Variants in PSD3 observed in about 807,000 individuals in gnomAD.
PSD3 encodes the protein pleckstrin and Sec7 domain containing 3.
A neutral mutation model predicts 105.5 loss-of-function variants in PSD3; 49 were observed. The observed-to-expected ratio is 0.46, with a 90% CI of 0.37 to 0.59. The LOEUF (loss-of-function observed/expected upper bound fraction) is 0.59, where lower values mean the gene tolerates loss of function less well. Ranked by LOEUF, PSD3 falls within the 20% of genes least tolerant of loss-of-function variation. The probability of loss-of-function intolerance (pLI) is 0.00; values close to 1 mark genes in which losing one functional copy is unlikely to be tolerated. For synonymous variants in PSD3, 557 were observed against 457.8 expected (o/e 1.22, Z -2.77); for missense variants, 1,561 against 1,263.8 (o/e 1.24, Z -3.57).
chr8:18,738,856 GA>G (rs1311656640), intron 9 of PSD3, among the ~76,000 whole-genome samples: 18 of 150,850 alleles, frequency 1.2e-4, no homozygotes, highest in Admixed American at 4.0e-4. Flanking sequence ...AAAACACCAA[GA>G]AATCCCTTCA....
chr8:18,968,859 G>C (rs1432353815), intron 1 of PSD3, among the ~76,000 whole-genome samples: 3 of 81,560 alleles, frequency 3.7e-5, no homozygotes, highest in African/African-American at 9.3e-5. Flanking sequence ...CTGCGTGACA[G>C]AGCAAAAAAA....
chr8:18,599,265 T>TG lies in PSD3; in HGVS notation c.2481+1098dup, dbSNP rs201999027. Among the ~76,000 whole-genome samples the TG allele has an allele frequency of 8.0e-3, 1,211 of 152,162 alleles. 20 individuals carry two copies. Among genetic ancestry groups the TG allele is most frequent in the African/African-American group, 0.027 (1,134 of 41,512 alleles). On this transcript the variant is annotated intron_variant, in intron 12 of 15. Coordinates refer to ENST00000327040, the MANE Select transcript of PSD3 (RefSeq NM_015310.4). ...AGCTCAGACAAATTCAACACATATA[T>TG]GGGGGGAAGCTGGAACCCTTATGTA...
At chr8:18,546,339 C>G (rs1259340378) in intron 15 of PSD3, among the ~76,000 whole-genome samples, 1 of 152,088 alleles carries the variant, frequency 6.6e-6, no homozygotes, top group African/African-American at 2.4e-5. Context: ...TTTAAGTGAT[C>G]CTTTAAATGG....
chr8:18,617,456 G>A (rs1192817187), intron 11 of PSD3, among the ~76,000 whole-genome samples: 1 of 152,148 alleles, frequency 6.6e-6, no homozygotes, highest in Non-Finnish European at 1.5e-5. Context: ...GCTTGAACTT[G>A]GGAGGCGCAG....
chr8:18,947,661 G>A (rs1219863933), intron 1 of PSD3, among the ~76,000 whole-genome samples: 1 of 152,126 alleles, frequency 6.6e-6, no homozygotes, highest in Non-Finnish European at 1.5e-5. Flanking sequence ...CCTTTAACAG[G>A]TTCAAATGAA....
At chr8:18,779,951 G>A (rs767594346) in intron 8 of PSD3, among the ~76,000 whole-genome samples, 1 of 152,166 alleles carries the variant, frequency 6.6e-6, no homozygotes, top group African/African-American at 2.4e-5. Flanking sequence ...GATCTAAAAC[G>A]AAGTTTAAAT....
chr8:19,020,910 G>T (rs549285356), intron 1 of PSD3, among the ~76,000 whole-genome samples: 1 of 152,272 alleles, frequency 6.6e-6, no homozygotes, highest in East Asian at 1.9e-4. Context: ...TGTAATTTTT[G>T]GACATGTTAA....
chr8:18,590,270 G>A (rs1803499214), intron 12 of PSD3, among the ~76,000 whole-genome samples: 1 of 152,086 alleles, frequency 6.6e-6, no homozygotes, highest in Non-Finnish European at 1.5e-5. Context: ...CATCTCAGTG[G>A]TGCAAGCGTG....
intron 1 of PSD3, among the ~76,000 whole-genome samples, chr8:18,990,734 G>C (rs527641101): frequency 6.6e-6 from 1 of 152,128 alleles, no homozygotes; most frequent in African/African-American, 2.4e-5. Flanking sequence ...AATCAGAAAA[G>C]GTTGCCTGTG....
chr8:18,922,836 G>C (rs1821118550), intron 2 of PSD3, among the ~76,000 whole-genome samples: 1 of 152,168 alleles, frequency 6.6e-6, no homozygotes, highest in South Asian at 2.1e-4. Flanking sequence ...AAAGGATACA[G>C]ATAAAGGGAT....
At chr8:18,811,290 A>G (rs1811659711) in intron 4 of PSD3, among the ~76,000 whole-genome samples, 1 of 152,158 alleles carries the variant, frequency 6.6e-6, no homozygotes, top group Admixed American at 6.5e-5. Context: ...CTACTTTTAT[A>G]AGCTTTACTA....
intron 1 of PSD3, among the ~76,000 whole-genome samples, chr8:18,995,699 G>A (rs951433832): frequency 6.6e-6 from 1 of 152,036 alleles, no homozygotes; most frequent in Non-Finnish European, 1.5e-5. Flanking sequence ...CACAACCATG[G>A]AGGAAAGCAA....
intron 9 of PSD3, among the ~76,000 whole-genome samples, chr8:18,694,737 A>G (rs1801166981): frequency 6.6e-6 from 1 of 151,972 alleles, no homozygotes; most frequent in Non-Finnish European, 1.5e-5. Context: ...GCACTTTGGG[A>G]GGCCAAGACA....
At chr8:18,943,923 G>C (rs1822707331) in intron 1 of PSD3, among the ~76,000 whole-genome samples, 2 of 151,924 alleles carry the variant, frequency 1.3e-5, no homozygotes, top group African/African-American at 4.8e-5. Flanking sequence ...TTTTCACTGA[G>C]GAATGCAGCT....
intron 9 of PSD3, among the ~76,000 whole-genome samples, chr8:18,749,111 G>A (rs912081575): frequency 9.2e-5 from 14 of 152,152 alleles, no homozygotes; most frequent in African/African-American, 3.4e-4. Flanking sequence ...TCTTCTTGAC[G>A]TTCCTCTTAT....
chr8:18,552,777 GAAGT>G (rs1454783782), intron 15 of PSD3, among the ~76,000 whole-genome samples: 1 of 152,170 alleles, frequency 6.6e-6, no homozygotes, highest in Non-Finnish European at 1.5e-5. Flanking sequence ...GCCTCTTTTA[GAAGT>G]AAGATTAGAT....
At chr8:19,006,472 CACA>C (rs924134155) in intron 1 of PSD3, among the ~76,000 whole-genome samples, 5 of 151,886 alleles carry the variant, frequency 3.3e-5, no homozygotes, top group Non-Finnish European at 7.4e-5. Context: ...GTGGTTCCAC[CACA>C]AATTACAAAA....
intron 10 of PSD3, among the ~76,000 whole-genome samples, chr8:18,634,057 T>A (rs550028033): frequency 1.3e-5 from 2 of 152,254 alleles, no homozygotes; most frequent in South Asian, 2.1e-4. Context: ...GCCATTTGTA[T>A]ATCTTCTTTT....
intron 1 of PSD3, among the ~76,000 whole-genome samples, chr8:19,082,141 G>A (rs1829664905): frequency 6.6e-6 from 1 of 152,166 alleles, no homozygotes; most frequent in Non-Finnish European, 1.5e-5. Context: ...CTGGACACAT[G>A]GAAAAACTAT....
Sources: allele counts gnomAD v4.1 joint callset (sites outside exome capture counted in the v4.1 genomes callset), GRCh38; gene constraint gnomAD v4.1.1; transcripts MANE v1.5; gene names NCBI Gene and HGNC (gene_info 2026-07-23, HGNC 2026-07-21).